MIS18BP1: variants seen among roughly 807,000 people sequenced by gnomAD.
The protein encoded by MIS18BP1 is mis18-binding protein 1.
MIS18BP1 carries 72 observed loss-of-function variants against 116.1 expected under a neutral mutation model. That is an observed-to-expected ratio of 0.62 (90% CI 0.51 to 0.75). MIS18BP1 has a LOEUF of 0.75. Among genes scored for constraint, MIS18BP1 ranks in the 30% least tolerant of loss-of-function variants. MIS18BP1 has a pLI of 0.00. For missense variants in MIS18BP1, 1,363 were observed against 1,303.2 expected, an observed-to-expected ratio of 1.05 and a Z score of -0.71; for synonymous variants, 386 against 427.0, an observed-to-expected ratio of 0.90 and a Z score of 1.18.
intron 2 of MIS18BP1, among the ~76,000 whole-genome samples, chr14:45,244,482 T>A (rs1205130841): frequency 1.3e-5 from 2 of 152,160 alleles, no homozygotes; most frequent in African/African-American, 4.8e-5. Context: ...AATTTCATTA[T>A]GACTCCTTCA....
intron 1 of MIS18BP1, among the ~76,000 whole-genome samples, chr14:45,248,440 T>G (rs1891783530): frequency 6.6e-6 from 1 of 152,172 alleles, no homozygotes; most frequent in Non-Finnish European, 1.5e-5. Flanking sequence ...AACCATATAG[T>G]TGCATTAACT....
intron 11 of MIS18BP1, among the ~76,000 whole-genome samples, chr14:45,218,847 A>G (rs567621582): frequency 8.6e-5 from 13 of 152,000 alleles, no homozygotes; most frequent in South Asian, 2.1e-4. Context: ...ATATTGGACA[A>G]TAAGCTCTTA....
chr14:45,229,554 T>C (rs1594515486), intron 8 of MIS18BP1, among the ~76,000 whole-genome samples: 2 of 152,100 alleles, frequency 1.3e-5, no homozygotes, highest in Non-Finnish European at 2.9e-5. Context: ...ACAGCTGGTA[T>C]GTAAAATAGT....
intron 12 of MIS18BP1, 111 bp from the exon 13 acceptor site, chr14:45,217,290 C>G (rs773277137): frequency 1.0e-5 from 13 of 1,267,944 alleles, no homozygotes; most frequent in Non-Finnish European, 1.2e-5. Flanking sequence ...TAAAAAAAAA[C>G]CAAAAAACTC....
intron 15 of MIS18BP1, among the ~76,000 whole-genome samples, chr14:45,204,904 A>C (rs940979470): frequency 1.3e-5 from 2 of 152,086 alleles, no homozygotes; most frequent in Admixed American, 6.5e-5. Context: ...TTACTGTATT[A>C]CTTTTACCTA....
At chr14:45,204,704 G>A (rs1890464230) in intron 15 of MIS18BP1, among the ~76,000 whole-genome samples, 1 of 151,988 alleles carries the variant, frequency 6.6e-6, no homozygotes, top group Admixed American at 6.6e-5. Context: ...ATAAACTAAT[G>A]CTATAGCAGT....
chr14:45,218,992 A>T (rs1030462972), intron 11 of MIS18BP1, among the ~76,000 whole-genome samples: 1 of 152,150 alleles, frequency 6.6e-6, no homozygotes, highest in African/African-American at 2.4e-5. Context: ...AATAGAGAAA[A>T]CTATAAGGAA....
Position 45,242,264 on chromosome 14 carries a change from C to G in MIS18BP1, c.913G>C (p.Asp305His). 1 of 1,614,064 alleles carries G rather than the reference C, an allele frequency of 6.2e-7. No homozygotes were observed. Among genetic ancestry groups the G allele is most frequent in the South Asian group, 1.1e-5 (1 of 91,078 alleles). ...IKNGSLLMVS[D>H]SERTTEGTSQ... ...GTCCCTTCTGTTGTCCTCTCACTAT[C>G]AGAAACCATTAACAGGCTGCCATTT... The change falls in exon 4 of 17, where the codon GAT becomes CAT. Residue 305 changes from aspartate to histidine, a missense_variant. Asp to His is a moderately conservative substitution (Grantham distance 81). Coordinates refer to ENST00000310806, the MANE Select transcript of MIS18BP1 (RefSeq NM_018353.5).
At chr14:45,240,456 C>A (rs1024382249) in intron 4 of MIS18BP1, among the ~76,000 whole-genome samples, 35 of 151,830 alleles carry the variant, frequency 2.3e-4, no homozygotes, top group Non-Finnish European at 4.9e-4. Flanking sequence ...TCAATTTTCT[C>A]CCTACCTACA....
chr14:45,228,272 G>A (rs951242964), intron 8 of MIS18BP1, among the ~76,000 whole-genome samples: 9 of 152,118 alleles, frequency 5.9e-5, no homozygotes, highest in Admixed American at 3.9e-4. Context: ...ATAGCGCTAC[G>A]CTACATTTTG....
chr14:45,249,640 G>A (rs908555783), intron 1 of MIS18BP1, among the ~76,000 whole-genome samples: 2 of 152,182 alleles, frequency 1.3e-5, no homozygotes, highest in African/African-American at 4.8e-5. Flanking sequence ...GGAGGCCAAG[G>A]CAGGAGAATC....
At position 45,218,262 on chromosome 14, in the gene MIS18BP1, CTATT is replaced by C. The variant is rs1432506041; in HGVS notation, c.2842+16_2842+19del. ...TCAACACTGAGTACTAGGAAAAAAA[CTATT>C]TACTACGAAGGTTACCATTTTGGCC... On this transcript the variant is annotated intron_variant, in intron 12 of 16. Transcript: ENST00000310806. 3 of 1,607,300 alleles carry C rather than the reference CTATT, an allele frequency of 1.9e-6. No individual in the cohort carries two copies. Among genetic ancestry groups the C allele is most frequent in the Non-Finnish European group, 2.5e-6 (3 of 1,177,952 alleles).
chr14:45,232,428 A>C (rs1891310227), intron 7 of MIS18BP1: 1 of 240,272 alleles, frequency 4.2e-6, no homozygotes, highest in Non-Finnish European at 8.1e-6. Flanking sequence ...AAAAAAAAAA[A>C]AAAAAAAAAA....
chr14:45,216,078 T>C (rs1241436779), intron 13 of MIS18BP1, among the ~76,000 whole-genome samples: 1 of 152,228 alleles, frequency 6.6e-6, no homozygotes, highest in African/African-American at 2.4e-5. Context: ...AATATTTGTA[T>C]TGTATTTCAC....
chr14:45,251,608 G>A lies in MIS18BP1; in HGVS notation c.-92+1427C>T, dbSNP rs559093803. On this transcript the variant is annotated intron_variant, in intron 1 of 16. Transcript: ENST00000310806. ...AATTAGGGGGAAAATAGAATTTTAA[G>A]TTAACAGGCAAATGATACACTTGAA... is the stretch of plus-strand genomic sequence containing the variant. 3.9e-4 allele frequency among the ~76,000 whole-genome samples: 59 copies of A among 152,154 alleles called. 1 individual carries two copies. Among genetic ancestry groups the A allele is most frequent in the African/African-American group, 1.3e-3 (52 of 41,494 alleles).
chr14:45,207,849 ATTTT>A (rs199897359), intron 14 of MIS18BP1, among the ~76,000 whole-genome samples: 2,233 of 152,272 alleles, frequency 0.015, 24 homozygotes, highest in Non-Finnish European at 0.021. Flanking sequence ...TAAGAAAATC[ATTTT>A]TTTAAGAAAA....
At chr14:45,235,777 T>C in intron 6 of MIS18BP1, 37 bp downstream of exon 6, 1 of 1,547,482 alleles carries the variant, frequency 6.5e-7, no homozygotes, top group Admixed American at 2.1e-5. Context: ...ACTGCTTTAC[T>C]TCTTAAAATA....
chr14:45,228,370 C>T (rs1447523645), intron 8 of MIS18BP1, among the ~76,000 whole-genome samples: 1 of 152,156 alleles, frequency 6.6e-6, no homozygotes, highest in Non-Finnish European at 1.5e-5. Context: ...TCTCCTTTGT[C>T]ACATCTAAAG....
chr14:45,231,468 C>T (rs1287499531), intron 7 of MIS18BP1, 170 bp from the exon 8 acceptor site: 7 of 550,372 alleles, frequency 1.3e-5, no homozygotes, highest in African/African-American at 3.8e-5. Context: ...CCTTCCTTCA[C>T]AAAGAACTGA....
Sources: allele counts gnomAD v4.1 joint callset (sites outside exome capture counted in the v4.1 genomes callset), GRCh38; gene constraint gnomAD v4.1.1; transcripts MANE v1.5; gene names NCBI Gene and HGNC (gene_info 2026-07-23, HGNC 2026-07-21).